The following NUP93 variants were observed in gnomAD, a reference collection of about 807,000 sequenced individuals.
NUP93 encodes nuclear pore complex protein Nup93.
NUP93 carries 55 observed loss-of-function variants against 107.8 expected under a neutral mutation model. That is an observed-to-expected ratio of 0.51 (90% confidence interval 0.41 to 0.64). The LOEUF (loss-of-function observed/expected upper bound fraction) is 0.64. Among genes scored for constraint, NUP93 ranks in the 30% least tolerant of loss-of-function variants. The pLI is 0.00. For synonymous variants in NUP93, 390 were observed against 397.5 expected (o/e 0.98, Z 0.22); for missense variants, 937 against 1,044.7 (o/e 0.90, Z 1.42).
intron 21 of NUP93, 105 bp from the exon 22 acceptor site, chr16:56,844,394 G>A: frequency 1.8e-6 from 1 of 550,660 alleles, no homozygotes; most frequent in Non-Finnish European, 2.9e-6. Context: ...CTGACACGCT[G>A]GGGTAGAGGA....
At chr16:56,740,084 C>G (rs1961694260) in intron 1 of NUP93, among the ~76,000 whole-genome samples, 3 of 128,596 alleles carry the variant, frequency 2.3e-5, no homozygotes, top group Non-Finnish European at 5.0e-5. Flanking sequence ...GCTCACCCCC[C>G]CACCTCCCTC....
intron 2 of NUP93, among the ~76,000 whole-genome samples, chr16:56,753,574 C>G (rs1269907779): frequency 6.6e-6 from 1 of 152,174 alleles, no homozygotes; most frequent in Non-Finnish European, 1.5e-5. Flanking sequence ...AAATCAGAAT[C>G]TACATTTTTA....
At chr16:56,824,133 C>T (rs1320731714) in intron 8 of NUP93, among the ~76,000 whole-genome samples, 2 of 152,162 alleles carry the variant, frequency 1.3e-5, no homozygotes, top group African/African-American at 4.8e-5. Context: ...ATACGTAAGG[C>T]CGTAGTGCCT....
intron 5 of NUP93, among the ~76,000 whole-genome samples, chr16:56,806,632 A>G (rs1197444553): frequency 1.3e-5 from 2 of 152,138 alleles, no homozygotes; most frequent in Non-Finnish European, 2.9e-5. Flanking sequence ...GGCTGCAGAA[A>G]TTATTTTCTT....
At chr16:56,812,986 A>G (rs1311680530) in intron 5 of NUP93, among the ~76,000 whole-genome samples, 1 of 152,236 alleles carries the variant, frequency 6.6e-6, no homozygotes, top group Non-Finnish European at 1.5e-5. Context: ...ATTTAAAGGT[A>G]AATTTAACCT....
chr16:56,839,059 G>A lies in NUP93; in HGVS notation c.2126G>A (p.Arg709Lys). The A allele has an allele frequency of 1.2e-6, 2 of 1,610,272 alleles. No homozygotes were observed. Among genetic ancestry groups the A allele is most frequent in the Non-Finnish European group, 1.7e-6 (2 of 1,176,796 alleles). ...GAGTATCATAGTGGTCATATTGATA[G>A]AGCTTTTGATGTAAGTTTCAGGAAA... ...FDEYHSGHIDRAFDIIERLKL... is the reference protein window; with the variant it reads ...FDEYHSGHIDKAFDIIERLKL... The change falls in exon 19 of 22, where the codon AGA (arginine) becomes AAA (lysine). Residue 709 changes from arginine to lysine, a missense_variant. Physicochemically the swap from Arg to Lys is conservative, Grantham distance 26. Coordinates refer to ENST00000308159, the MANE Select transcript of NUP93 (RefSeq NM_014669.5).
At chr16:56,735,336 A>G (rs1961594243) in intron 1 of NUP93, among the ~76,000 whole-genome samples, 1 of 152,222 alleles carries the variant, frequency 6.6e-6, no homozygotes, top group Non-Finnish European at 1.5e-5. Context: ...GCTGGAGCTC[A>G]GGGCTGCAGT....
At chr16:56,805,704 A>G in intron 5 of NUP93, 72 bp downstream of exon 5, 2 of 1,507,762 alleles carry the variant, frequency 1.3e-6, no homozygotes, top group South Asian at 2.4e-5. Flanking sequence ...CTACTTGACT[A>G]GTATTTTTGG....
chr16:56,805,415 C>G lies in NUP93; in HGVS notation c.361-89C>G. Reference sequence around the variant, plus strand: ...CTCTACCTATGGAGAAGTGGTTGGTCTGGAGGGCTTTAGGTTTCTGTTGGG... The same window carrying G: ...CTCTACCTATGGAGAAGTGGTTGGTGTGGAGGGCTTTAGGTTTCTGTTGGG... On this transcript the variant is annotated intron_variant, in intron 4 of 21. Transcript: ENST00000308159. 8.9e-6 allele frequency: 13 copies of G among 1,466,838 alleles called. No individual in the cohort carries two copies. In the South Asian group the frequency reaches 1.5e-4, roughly 17 times the overall value. 90.9% of individuals were successfully genotyped at this position (1,466,838 alleles called of 1,614,324 possible).
chr16:56,783,808 A>G (rs1962566677), intron 3 of NUP93: 1 of 985,442 alleles, frequency 1.0e-6, no homozygotes, highest in Non-Finnish European at 1.2e-6. Flanking sequence ...TGCACATTGT[A>G]TAGAAGAGTT....
intron 2 of NUP93, among the ~76,000 whole-genome samples, chr16:56,754,293 C>T (rs1961978068): frequency 6.6e-6 from 1 of 152,122 alleles, no homozygotes; most frequent in African/African-American, 2.4e-5. Flanking sequence ...TGGGTGGGGA[C>T]ACAGAGCCAA....
chr16:56,839,631 A>G (rs1473822121), intron 20 of NUP93, 27 bp downstream of exon 20: 1 of 1,569,150 alleles, frequency 6.4e-7, no homozygotes, highest in African/African-American at 1.4e-5. Context: ...TGAGTTGTGG[A>G]ATTCCTTTTT....
intron 5 of NUP93, among the ~76,000 whole-genome samples, chr16:56,812,214 T>C (rs1333880180): frequency 1.1e-4 from 17 of 152,328 alleles, no homozygotes; most frequent in African/African-American, 3.8e-4. Flanking sequence ...TTTTGTTTGT[T>C]TGTTTAGCAA....
chr16:56,778,870 A>G (rs1213749699), intron 3 of NUP93, among the ~76,000 whole-genome samples: 1 of 152,178 alleles, frequency 6.6e-6, no homozygotes, highest in Non-Finnish European at 1.5e-5. Flanking sequence ...GCCTAGAGAG[A>G]AGAATTGTGG....
Position 56,788,156 on chromosome 16 carries a change from C to T in NUP93, c.298-10320C>T, listed in dbSNP as rs113563370. On this transcript the variant is annotated intron_variant, in intron 3 of 21. Transcript: ENST00000308159. ...TACCTCAGCAGTCTGACAGCAGTTG[C>T]CTGGCTGCTCTCCCTCCCCCACTGG... 3.1e-3 allele frequency among the ~76,000 whole-genome samples: 470 copies of T among 152,282 alleles called. 3 individuals carry two copies. Among genetic ancestry groups the T allele is most frequent in the African/African-American group, 0.011 (445 of 41,544 alleles).
rs1216267834 is a variant in NUP93, at chr16:56,841,832, C to G, written c.2348C>G (p.Ser783Cys). ...CAGCGAGTCATCGAGGACCGCGACT[C>G]TGTAAGATCCCAGCATTCGCGAGAA... ...RPQRVIEDRDSQLRSQARTLI... is the reference protein window; with the variant it reads ...RPQRVIEDRDCQLRSQARTLI... Residue 783 changes from serine to cysteine, a missense_variant and splice_region_variant, in exon 21 of 22, where the codon TCT becomes TGT. Transcript: ENST00000308159. The G allele has an allele frequency of 2.5e-6, 4 of 1,613,832 alleles. No homozygotes were observed. Among genetic ancestry groups the G allele is most frequent in the African/African-American group, 1.3e-5 (1 of 74,950 alleles).
chr16:56,774,619 A>G (rs1962379681), intron 3 of NUP93, among the ~76,000 whole-genome samples: 1 of 152,232 alleles, frequency 6.6e-6, no homozygotes, highest in South Asian at 2.1e-4. Flanking sequence ...TGTGTTTTAG[A>G]AATCATTTGA....
At chr16:56,815,858 T>G (rs574989212) in intron 5 of NUP93, among the ~76,000 whole-genome samples, 26 of 134,166 alleles carry the variant, frequency 1.9e-4, no homozygotes, top group South Asian at 2.6e-4. Context: ...TTCCAGCTAC[T>G]ACTGCTACTG....
chr16:56,843,094 C>T (rs1270458908), intron 21 of NUP93, among the ~76,000 whole-genome samples: 2 of 152,178 alleles, frequency 1.3e-5, no homozygotes, highest in African/African-American at 2.4e-5. Flanking sequence ...ATGTGGGTAA[C>T]AGTGCTCAAG....
Sources: allele counts gnomAD v4.1 joint callset (sites outside exome capture counted in the v4.1 genomes callset), GRCh38; gene constraint gnomAD v4.1.1; transcripts MANE v1.5; gene names NCBI Gene and HGNC (gene_info 2026-07-23, HGNC 2026-07-21).